Variants in RAB3C observed in about 807,000 individuals in gnomAD.
RAB3C encodes RAB3C, member RAS oncogene family.
A neutral mutation model predicts 26.4 loss-of-function variants in RAB3C; 17 were observed. The observed-to-expected ratio is 0.64, with a 90% confidence interval of 0.44 to 0.97. The LOEUF is 0.97. RAB3C is among the 50% of genes least tolerant of loss of function. The pLI, the probability that RAB3C is intolerant of heterozygous loss-of-function variation, is 0.00. For synonymous variants in RAB3C, 91 were observed against 95.9 expected (o/e 0.95, Z 0.30); for missense variants, 242 against 281.9 (o/e 0.86, Z 1.01).
chr5:58,724,830 C>T (rs1340250339), intron 2 of RAB3C, among the ~76,000 whole-genome samples: 1 of 151,600 alleles, frequency 6.6e-6, no homozygotes, highest in Non-Finnish European at 1.5e-5. Flanking sequence ...ACCCTCTGCA[C>T]TTTAACTCCA....
At chr5:58,699,349 G>A (rs1020131190) in intron 2 of RAB3C, among the ~76,000 whole-genome samples, 1 of 152,190 alleles carries the variant, frequency 6.6e-6, no homozygotes, top group Non-Finnish European at 1.5e-5. Context: ...TCGTCCCAGA[G>A]GAGCAGCCAC....
At chr5:58,738,786 T>G (rs1741211192) in intron 3 of RAB3C, among the ~76,000 whole-genome samples, 1 of 152,206 alleles carries the variant, frequency 6.6e-6, no homozygotes, top group Non-Finnish European at 1.5e-5. Flanking sequence ...ATATACTCCC[T>G]CGCAACTCTT....
At chr5:58,757,033 T>A (rs1353440397) in intron 3 of RAB3C, among the ~76,000 whole-genome samples, 1 of 152,314 alleles carries the variant, frequency 6.6e-6, no homozygotes, top group Admixed American at 6.5e-5. Context: ...TCTTCAGCAA[T>A]GGTTGAACTA....
intron 2 of RAB3C, among the ~76,000 whole-genome samples, chr5:58,662,060 G>C (rs1022397464): frequency 6.7e-6 from 1 of 149,810 alleles, no homozygotes; most frequent in African/African-American, 2.5e-5. Flanking sequence ...TTTTTAGAAG[G>C]GAGGTCCTTT....
chr5:58,674,349 A>G (rs1305940656), intron 2 of RAB3C, among the ~76,000 whole-genome samples: 2 of 152,218 alleles, frequency 1.3e-5, no homozygotes, highest in African/African-American at 2.4e-5. Context: ...TTTGAAGTAT[A>G]TATTAATATG....
chr5:58,657,280 G>A (rs551355755), intron 2 of RAB3C, among the ~76,000 whole-genome samples: 15 of 151,976 alleles, frequency 9.9e-5, no homozygotes, highest in Non-Finnish European at 1.8e-4. Context: ...ACTACAAATA[G>A]GGTGCAGTGT....
At position 58,767,016 on chromosome 5, in the gene RAB3C, G is replaced by GC. The variant is rs1297281206; in HGVS notation, c.371+40897dup. Among the ~76,000 whole-genome samples, 3 of 128,292 alleles carry GC rather than the reference G, an allele frequency of 2.3e-5. No individual in the cohort carries two copies. In the South Asian group the frequency reaches 7.6e-4, roughly 33 times the overall value. 84.2% of individuals were successfully genotyped at this position (128,292 alleles called of 152,430 possible). ...GTATACCCACATAGTCATATAGCCA[G>GC]CGGGGGGGACTCAGACAGGGGCTGT... is the stretch of plus-strand genomic sequence containing the variant. On this transcript the variant is annotated intron_variant, in intron 3 of 4. Transcript: ENST00000282878.
chr5:58,743,243 A>C (rs1222746654), intron 3 of RAB3C, among the ~76,000 whole-genome samples: 1 of 152,164 alleles, frequency 6.6e-6, no homozygotes, highest in East Asian at 1.9e-4. Flanking sequence ...ATCATGGGGT[A>C]GGCACTGTTT....
intron 2 of RAB3C, among the ~76,000 whole-genome samples, chr5:58,694,973 G>A (rs768451726): frequency 7.2e-5 from 11 of 152,276 alleles, no homozygotes; most frequent in Non-Finnish European, 1.5e-4. Flanking sequence ...TGTCGCCGTT[G>A]CTTTCGGTGT....
chr5:58,810,886 C>T (rs185107785), intron 3 of RAB3C, among the ~76,000 whole-genome samples: 124 of 152,316 alleles, frequency 8.1e-4, no homozygotes, highest in Non-Finnish European at 1.1e-3. Context: ...CATGAGCCAC[C>T]GTGCCCAGCC....
At chr5:58,766,732 G>T (rs1031208702) in intron 3 of RAB3C, among the ~76,000 whole-genome samples, 5 of 152,126 alleles carry the variant, frequency 3.3e-5, no homozygotes, top group Admixed American at 6.5e-5. Flanking sequence ...CTCAGCTAAA[G>T]GTTTAATCGG....
At chr5:58,793,200 C>A (rs1402419909) in intron 3 of RAB3C, among the ~76,000 whole-genome samples, 1 of 152,074 alleles carries the variant, frequency 6.6e-6, no homozygotes, top group Non-Finnish European at 1.5e-5. Context: ...CCTGTGGATA[C>A]AATACCAAAA....
intron 3 of RAB3C, among the ~76,000 whole-genome samples, chr5:58,744,831 T>A (rs1396007877): frequency 6.6e-6 from 1 of 152,208 alleles, no homozygotes. Flanking sequence ...ATTTGTTTGC[T>A]TGCAATTGAA....
At position 58,782,655 on chromosome 5, in the gene RAB3C, G is replaced by A. The variant is rs186590710; in HGVS notation, c.372-42383G>A. Among the ~76,000 whole-genome samples, 29 of 152,150 alleles carry A rather than the reference G, an allele frequency of 1.9e-4. No individual in the cohort carries two copies. In the East Asian group the frequency reaches 5.0e-3, roughly 26 times the overall value. ...TTTTCTGCTCAGAAATAATTTCAAT[G>A]ATAATAGTGTTAAAACTTTGCATTT... On this transcript the variant is annotated intron_variant, in intron 3 of 4. Coordinates refer to ENST00000282878, the MANE Select transcript of RAB3C (RefSeq NM_138453.4).
intron 4 of RAB3C, among the ~76,000 whole-genome samples, chr5:58,837,159 C>A (rs1438521176): frequency 6.6e-6 from 1 of 151,964 alleles, no homozygotes; most frequent in East Asian, 1.9e-4. Context: ...TTTTTTGATA[C>A]ATTCACTGGC....
chr5:58,737,435 ATATAT>A (rs1741172590), intron 3 of RAB3C, among the ~76,000 whole-genome samples: 1 of 93,392 alleles, frequency 1.1e-5, no homozygotes, highest in African/African-American at 5.1e-5. Flanking sequence ...ATATATATAT[ATATAT>A]ATATATATAA....
rs565913158 is a variant in RAB3C, at chr5:58,667,165, A to G, written c.252+49295A>G. Among the ~76,000 whole-genome samples the G allele has an allele frequency of 3.3e-5, 5 of 152,298 alleles. No homozygotes were observed. The South Asian group carries it at 1.0e-3, about 32-fold the overall frequency. ...AGAATTGGTTTTACGCACTGATGAC[A>G]CTAACAATGGGGGTAGGCCTTACTG... On this transcript the variant is annotated intron_variant, in intron 2 of 4. Transcript: ENST00000282878.
At chr5:58,644,990 G>T (rs1037943321) in intron 2 of RAB3C, among the ~76,000 whole-genome samples, 17 of 152,142 alleles carry the variant, frequency 1.1e-4, no homozygotes, top group African/African-American at 4.1e-4. Flanking sequence ...AGTAATTCAA[G>T]AATCAAGTAA....
chr5:58,751,390 G>A (rs1741520508), intron 3 of RAB3C, among the ~76,000 whole-genome samples: 1 of 152,190 alleles, frequency 6.6e-6, no homozygotes, highest in Non-Finnish European at 1.5e-5. Context: ...GTTGAGTCAA[G>A]CATGAGTCAC....
Sources: gnomAD v4.1 joint callset for allele counts (sites outside exome capture counted in the v4.1 genomes callset) on GRCh38, gnomAD v4.1.1 for gene constraint, MANE v1.5 for transcripts, NCBI Gene and HGNC (gene_info 2026-07-23, HGNC 2026-07-21) for gene names.